MTCL1: variants seen among roughly 807,000 people sequenced by gnomAD.
The protein encoded by MTCL1 is microtubule cross-linking factor 1.
Under a neutral mutation model 141.4 loss-of-function variants are expected in MTCL1, and 79 were observed. The ratio of observed to expected loss-of-function variants is 0.56; its 90% CI spans 0.47 to 0.67. The LOEUF (loss-of-function observed/expected upper bound fraction) is 0.67, where lower values mean the gene tolerates loss of function less well. Among genes scored for constraint, MTCL1 ranks in the 30% least tolerant of loss-of-function variants. The pLI is 0.00. For missense variants in MTCL1, 2,177 were observed against 2,113.9 expected (o/e 1.03, Z -0.59); for synonymous variants, 914 against 875.8 (o/e 1.04, Z -0.77).
At chr18:8,793,260 C>A in intron 8 of MTCL1, 140 bp downstream of exon 7, 1 of 1,181,120 alleles carries the variant, frequency 8.5e-7, no homozygotes, top group Non-Finnish European at 1.2e-6. Context: ...GAAAGGTCAC[C>A]CAGTCAAGCT....
intron 4 of MTCL1, among the ~76,000 whole-genome samples, chr18:8,742,869 A>G (rs1298971123): frequency 3.3e-5 from 5 of 152,236 alleles, no homozygotes; most frequent in African/African-American, 4.8e-5. Context: ...TGTGACACCA[A>G]TAATATGACT....
intron 1 of MTCL1, chr18:8,707,339 A>G (rs910497039): frequency 1.3e-5 from 2 of 152,464 alleles, no homozygotes; most frequent in Non-Finnish European, 2.9e-5. Context: ...TGCGCGGGCC[A>G]GTCCTTTGTA....
intron 1 of MTCL1, among the ~76,000 whole-genome samples, chr18:8,708,060 C>T (rs1242888635): frequency 2.0e-5 from 3 of 152,186 alleles, no homozygotes; most frequent in Non-Finnish European, 2.9e-5. Context: ...TAATAGACAA[C>T]GGAGTGAAGT....
At chr18:8,790,815 G>A (rs570020767) in intron 7 of MTCL1, among the ~76,000 whole-genome samples, 246 of 152,274 alleles carry the variant, frequency 1.6e-3, no homozygotes, top group Non-Finnish European at 2.4e-3. Flanking sequence ...AGGAGTTCGA[G>A]ACCAGCCTGA....
intron 4 of MTCL1, among the ~76,000 whole-genome samples, chr18:8,757,163 C>T (rs1412054201): frequency 1.3e-5 from 2 of 152,178 alleles, no homozygotes; most frequent in Non-Finnish European, 2.9e-5. Flanking sequence ...GAAATTCTGG[C>T]TCTCCCACTG....
At chr18:8,717,289 G>C (rs757971737), upstream of MTCL1, 1 of 152,230 alleles carries the variant, frequency 6.6e-6, no homozygotes, top group Non-Finnish European at 1.5e-5. Context: ...CTAGAGACTC[G>C]GGCTGATGAG....
chr18:8,831,597 G>T lies in MTCL1; in HGVS notation c.*19-10G>T. ...CTGAGTAACCCTGTCTCCCTTTCTC[G>T]GCTCTGAAGGAACTACCTTGTTCTG... On this transcript the variant is annotated splice_polypyrimidine_tract_variant and intron_variant, in intron 16 of 16. Coordinates refer to ENST00000359865, the Ensembl canonical transcript of MTCL1. 2 of 1,549,226 alleles carry T rather than the reference G, an allele frequency of 1.3e-6. No homozygotes were observed. Among genetic ancestry groups the T allele is most frequent in the South Asian group, 2.4e-5 (2 of 83,998 alleles).
chr18:8,791,848 G>A (rs2075738133), intron 7 of MTCL1, among the ~76,000 whole-genome samples: 1 of 151,896 alleles, frequency 6.6e-6, no homozygotes, highest in South Asian at 2.1e-4. Context: ...AAAATAAGAT[G>A]TTTAAATCTC....
intron 4 of MTCL1, among the ~76,000 whole-genome samples, chr18:8,766,961 G>T (rs1191789064): frequency 6.6e-6 from 1 of 152,228 alleles, no homozygotes; most frequent in East Asian, 1.9e-4. Flanking sequence ...CCCTTCCGCA[G>T]CCTCAGAGCA....
At chr18:8,785,140 A>C (rs561520986) in intron 6 of MTCL1, among the ~76,000 whole-genome samples, 42 of 151,820 alleles carry the variant, frequency 2.8e-4, no homozygotes, top group African/African-American at 8.7e-4. Context: ...GGCTGAGCCC[A>C]GTGGAAGCGA....
intron 4 of MTCL1, among the ~76,000 whole-genome samples, chr18:8,748,420 G>A (rs1324908441): frequency 6.6e-6 from 1 of 152,168 alleles, no homozygotes; most frequent in African/African-American, 2.4e-5. Flanking sequence ...GCATGCACCT[G>A]TGGTCCCAGC....
At chr18:8,831,223 A>C in intron 16 of MTCL1, 1 of 1,035,064 alleles carries the variant, frequency 9.7e-7, no homozygotes, top group Non-Finnish European at 1.2e-6. Context: ...AGCTAAATAG[A>C]TCATACAAAA....
At chr18:8,728,497 T>C (rs1371070500) in intron 4 of MTCL1, among the ~76,000 whole-genome samples, 11 of 152,172 alleles carry the variant, frequency 7.2e-5, no homozygotes, top group Non-Finnish European at 1.6e-4. Context: ...CTTTTCTTTT[T>C]GTGTTTGGTA....
At chr18:8,757,687 C>T (rs539367783) in intron 4 of MTCL1, among the ~76,000 whole-genome samples, 2 of 152,222 alleles carry the variant, frequency 1.3e-5, no homozygotes, top group South Asian at 4.1e-4. Flanking sequence ...TGTTTGGAGA[C>T]ACATTTGCAT....
intron 4 of MTCL1, among the ~76,000 whole-genome samples, chr18:8,733,161 G>T (rs573601267): frequency 6.6e-6 from 1 of 152,320 alleles, no homozygotes; most frequent in Non-Finnish European, 1.5e-5. Context: ...GAGCCAGGGC[G>T]CAGGGCAGCC....
chr18:8,721,711 G>A (rs754871605), intron 4 of MTCL1, among the ~76,000 whole-genome samples: 1 of 151,260 alleles, frequency 6.6e-6, no homozygotes, highest in Non-Finnish European at 1.5e-5. Context: ...TCTGACATAC[G>A]TGTTCTGGGA....
At chr18:8,798,377 T>C (rs1414074517) in intron 10 of MTCL1, 86 bp downstream of exon 9, 2 of 1,143,312 alleles carry the variant, frequency 1.7e-6, no homozygotes, top group Middle Eastern at 3.0e-4. Flanking sequence ...TTGTTTCCAG[T>C]GTTGGCATTC....
intron 14 of MTCL1, among the ~76,000 whole-genome samples, chr18:8,823,247 C>T (rs2076906417): frequency 6.6e-6 from 1 of 152,138 alleles, no homozygotes; most frequent in Admixed American, 6.5e-5. Context: ...AGGTTAATGC[C>T]TCTGCTTTCT....
At chr18:8,723,416 G>T (rs1180946393) in intron 4 of MTCL1, among the ~76,000 whole-genome samples, 1 of 152,172 alleles carries the variant, frequency 6.6e-6, no homozygotes, top group Non-Finnish European at 1.5e-5. Flanking sequence ...CTGGAGTTTT[G>T]TAAATGGATG....
Sources: gnomAD v4.1 joint callset for allele counts (sites outside exome capture counted in the v4.1 genomes callset) on GRCh38, gnomAD v4.1.1 for gene constraint, MANE v1.5 for transcripts, NCBI Gene and HGNC (gene_info 2026-07-23, HGNC 2026-07-21) for gene names.